The following LRP1B variants were observed in gnomAD, a reference collection of about 807,000 sequenced individuals.
LRP1B encodes low-density lipoprotein receptor-related protein 1B.
Under a neutral mutation model 556.6 loss-of-function variants are expected in LRP1B, and 217 were observed. The ratio of observed to expected loss-of-function variants is 0.39; its 90% CI spans 0.35 to 0.44. LRP1B has a LOEUF of 0.44. Ranked by LOEUF, LRP1B falls within the 20% of genes least tolerant of loss-of-function variation. The pLI is 1.00. For missense variants in LRP1B, 5,053 were observed against 5,620.8 expected, an observed-to-expected ratio of 0.90 and a Z score of 3.23; for synonymous variants, 2,047 against 1,865.8, an observed-to-expected ratio of 1.10 and a Z score of -2.50.
chr2:140,731,446 T>C (rs907081163), intron 35 of LRP1B, among the ~76,000 whole-genome samples: 2 of 151,404 alleles, frequency 1.3e-5, no homozygotes, highest in Non-Finnish European at 2.9e-5. Context: ...AAAAGAAGAG[T>C]AAGATAAAAA....
chr2:140,940,243 A>T (rs183862315), intron 20 of LRP1B, among the ~76,000 whole-genome samples: 1 of 152,246 alleles, frequency 6.6e-6, no homozygotes, highest in Admixed American at 6.5e-5. Context: ...GGAAATAGCT[A>T]TCTAAAGATA....
At chr2:141,812,393 T>C (rs1000762175) in intron 1 of LRP1B, among the ~76,000 whole-genome samples, 5 of 152,104 alleles carry the variant, frequency 3.3e-5, no homozygotes, top group Non-Finnish European at 5.9e-5. Context: ...TCAGAATGGA[T>C]GTTCATTTTA....
intron 69 of LRP1B, 150 bp from the exon 70 acceptor site, chr2:140,371,435 T>C (rs367968919): frequency 7.9e-6 from 3 of 379,734 alleles, no homozygotes; most frequent in Non-Finnish European, 1.4e-5. Flanking sequence ...TATTACAGAT[T>C]CATTTAAATT....
intron 18 of LRP1B, among the ~76,000 whole-genome samples, chr2:140,973,955 T>C (rs923453861): frequency 3.3e-5 from 5 of 152,162 alleles, no homozygotes; most frequent in Non-Finnish European, 5.9e-5. Flanking sequence ...AGTGAATGAA[T>C]AGCAGGGCAA....
chr2:140,545,954 C>T (rs1364027749), intron 43 of LRP1B, among the ~76,000 whole-genome samples: 1 of 151,096 alleles, frequency 6.6e-6, no homozygotes, highest in Non-Finnish European at 1.5e-5. Flanking sequence ...TTTTGTAGTA[C>T]TCCTTGCAGA....
At chr2:141,115,558 G>A (rs1002740710) in intron 7 of LRP1B, among the ~76,000 whole-genome samples, 2 of 144,288 alleles carry the variant, frequency 1.4e-5, no homozygotes, top group African/African-American at 5.1e-5. Context: ...CCGAGTTCAC[G>A]CCATTCTCCT....
chr2:141,375,372 T>G (rs1689389361), intron 3 of LRP1B, among the ~76,000 whole-genome samples: 1 of 152,140 alleles, frequency 6.6e-6, no homozygotes, highest in South Asian at 2.1e-4. Context: ...ATGGCATGTT[T>G]GGAAGCTAGC....
chr2:141,661,222 G>A (rs1191944633), intron 2 of LRP1B, among the ~76,000 whole-genome samples: 2 of 152,128 alleles, frequency 1.3e-5, no homozygotes, highest in Admixed American at 6.6e-5. Flanking sequence ...AGACGAAAAG[G>A]AATCCACGAA....
chr2:140,557,200 C>T (rs1680765814), intron 43 of LRP1B, among the ~76,000 whole-genome samples: 1 of 152,074 alleles, frequency 6.6e-6, no homozygotes, highest in Admixed American at 6.6e-5. Flanking sequence ...CAACTCCCAA[C>T]AATTTTCTTC....
chr2:141,248,391 T>G (rs10496874), intron 4 of LRP1B, among the ~76,000 whole-genome samples: 12,555 of 152,212 alleles, frequency 0.082, 547 homozygotes, highest in South Asian at 0.12. Flanking sequence ...AGGGGTATAC[T>G]CGAGTTATGA....
rs181703116 is a variant in LRP1B, at chr2:140,490,491, T to C, written c.9120+2117A>G. ...AAATTTGTGATATTAGAATCAATCA[T>C]TCTTGCTAATCAGCTGCACATAAAA... On this transcript the variant is annotated intron_variant, in intron 57 of 90. Coordinates refer to ENST00000389484, the MANE Select transcript of LRP1B (RefSeq NM_018557.3). Among the ~76,000 whole-genome samples the C allele has an allele frequency of 2.3e-4, 35 of 152,232 alleles. No individual in the cohort carries two copies. The East Asian group carries it at 6.6e-3, about 29-fold the overall frequency.
intron 80 of LRP1B, 35 bp from the exon 81 acceptor site, chr2:140,324,101 A>G (rs1680320539): frequency 7.4e-7 from 1 of 1,357,088 alleles, no homozygotes; most frequent in African/African-American, 1.4e-5. Flanking sequence ...GAAAGTTTTA[A>G]TGTATATACT....
chr2:140,812,544 G>T (rs746253031), intron 32 of LRP1B, among the ~76,000 whole-genome samples: 21 of 151,290 alleles, frequency 1.4e-4, no homozygotes, highest in Non-Finnish European at 2.7e-4. Context: ...ATTAACAACT[G>T]TTTACTTATT....
At chr2:141,964,832 T>G (rs973279180) in intron 1 of LRP1B, among the ~76,000 whole-genome samples, 7 of 151,972 alleles carry the variant, frequency 4.6e-5, no homozygotes, top group Non-Finnish European at 1.0e-4. Context: ...GAGAAAATTT[T>G]TGCAACCTAC....
intron 27 of LRP1B, among the ~76,000 whole-genome samples, chr2:140,862,598 T>C (rs1209267562): frequency 1.3e-5 from 2 of 152,178 alleles, no homozygotes; most frequent in Admixed American, 1.3e-4. Context: ...TCTAAGTATA[T>C]CTCATCAGAG....
intron 43 of LRP1B, among the ~76,000 whole-genome samples, chr2:140,590,238 G>GTA (rs963601325): frequency 3.9e-4 from 48 of 124,258 alleles, no homozygotes; most frequent in East Asian, 1.1e-3. Context: ...TTTTAAATGT[G>GTA]TATATATATA....
At chr2:140,765,368 A>G (rs1689065109) in intron 35 of LRP1B, among the ~76,000 whole-genome samples, 2 of 152,176 alleles carry the variant, frequency 1.3e-5, no homozygotes, top group Admixed American at 1.3e-4. Flanking sequence ...TAAGTACCCC[A>G]AGGGGAGGGA....
At chr2:141,851,079 C>T (rs1697839508) in intron 1 of LRP1B, among the ~76,000 whole-genome samples, 1 of 150,352 alleles carries the variant, frequency 6.7e-6, no homozygotes, top group Non-Finnish European at 1.5e-5. Context: ...TTTCGATTAA[C>T]TGGGTGACTT....
At position 140,536,729 on chromosome 2, in the gene LRP1B, A is replaced by T; in HGVS notation, c.7514-20T>A. The stretch of plus-strand genomic sequence containing the variant: ...TTTTAGCTGCAAGAAAAAAAAAAAA[A>T]GTCAATACTTTTGTGCAATGGCAAA... On this transcript the variant is annotated intron_variant, in intron 45 of 90. Transcript: ENST00000389484. 6.4e-7 allele frequency: 1 copy of T among 1,559,102 alleles called. No individual in the cohort carries two copies. Among genetic ancestry groups the T allele is most frequent in the Non-Finnish European group, 8.7e-7 (1 of 1,152,618 alleles).
Sources: allele counts gnomAD v4.1 joint callset (sites outside exome capture counted in the v4.1 genomes callset), GRCh38; gene constraint gnomAD v4.1.1; transcripts MANE v1.5; gene names NCBI Gene and HGNC (gene_info 2026-07-23, HGNC 2026-07-21).